The following NOS1 variants were observed in gnomAD, a reference collection of about 807,000 sequenced individuals.
NOS1 encodes nitric oxide synthase 1.
Under a neutral mutation model 164.5 loss-of-function variants are expected in NOS1, and 51 were observed. That is an observed-to-expected ratio of 0.31 (90% confidence interval 0.25 to 0.39). The LOEUF is 0.39. NOS1 is among the 10% of genes least tolerant of loss of function. The pLI, the probability that NOS1 is intolerant of heterozygous loss-of-function variation, is 1.00. For missense variants in NOS1, 1,362 were observed against 1,885.6 expected (o/e 0.72, Z 5.14); for synonymous variants, 719 against 745.8 (o/e 0.96, Z 0.59).
chr12:117,281,106 T>G (rs1352293299), intron 7 of NOS1, among the ~76,000 whole-genome samples: 1 of 152,178 alleles, frequency 6.6e-6, no homozygotes, highest in African/African-American at 2.4e-5. Context: ...GCCACCATGC[T>G]GAAGGAAAGA....
At chr12:117,299,720 C>T (rs1873688021) in intron 3 of NOS1, among the ~76,000 whole-genome samples, 1 of 149,392 alleles carries the variant, frequency 6.7e-6, no homozygotes. Context: ...ATTCAACAGT[C>T]TGTAGAAGGT....
chr12:117,244,718 A>G (rs73206097), intron 18 of NOS1, among the ~76,000 whole-genome samples: 14,808 of 152,306 alleles, frequency 0.097, 1,153 homozygotes, highest in Admixed American at 0.28. Context: ...TTATTTGGCT[A>G]TAAAAAAGGA....
At chr12:117,312,719 G>A (rs1286336599) in intron 2 of NOS1, among the ~76,000 whole-genome samples, 1 of 152,144 alleles carries the variant, frequency 6.6e-6, no homozygotes. Flanking sequence ...CACTGAACCT[G>A]TCCAGGAATG....
At chr12:117,334,043 C>T (rs1185846233) in intron 1 of NOS1, among the ~76,000 whole-genome samples, 1 of 152,254 alleles carries the variant, frequency 6.6e-6, no homozygotes, top group Admixed American at 6.5e-5. Context: ...TTCCTCCAGA[C>T]TCTGGCTTGG....
At chr12:117,305,886 G>C (rs974172979) in intron 3 of NOS1, among the ~76,000 whole-genome samples, 1 of 151,292 alleles carries the variant, frequency 6.6e-6, no homozygotes, top group African/African-American at 2.4e-5. Flanking sequence ...CCAACTCCCA[G>C]GCTCAAGCAA....
At chr12:117,361,079 G>T (rs1280568570) in intron 1 of NOS1, among the ~76,000 whole-genome samples, 1 of 152,120 alleles carries the variant, frequency 6.6e-6, no homozygotes, top group Non-Finnish European at 1.5e-5. Flanking sequence ...GGAGCGGGGA[G>T]CCCTGGGGAC....
chr12:117,216,428 G>C (rs816360), intron 28 of NOS1, among the ~76,000 whole-genome samples: 84,055 of 151,474 alleles, frequency 0.55, 26,269 homozygotes, highest in African/African-American at 0.86. Context: ...ATGATCCACC[G>C]GCCTCAGCCT....
At position 117,211,577 on chromosome 12, in the gene NOS1, C is replaced by A; in HGVS notation, c.*3732G>T. On this transcript the variant is annotated 3_prime_UTR_variant, in exon 29 of 29. Transcript: ENST00000317775. ...CTCTCCCCACGGTCTGGTCCCAGCC[C>A]ACCTTTTCTCACCCTCCTCAGCCTT... 1.0e-6 allele frequency: 1 copy of A among 985,588 alleles called. No individual in the cohort carries two copies. Among genetic ancestry groups the A allele is most frequent in the Non-Finnish European group, 1.2e-6 (1 of 830,046 alleles). 61.1% of individuals were successfully genotyped at this position (985,588 alleles called of 1,614,324 possible). A position where few individuals can be genotyped will look rare whatever the true frequency, so the allele number is the denominator to read the frequency against.
intron 20 of NOS1, among the ~76,000 whole-genome samples, chr12:117,239,398 C>T (rs948701991): frequency 6.6e-6 from 1 of 152,224 alleles, no homozygotes; most frequent in Admixed American, 6.5e-5. Context: ...AACTTAGTGT[C>T]TACACCCCAC....
Position 117,209,636 on chromosome 12 carries a change from G to T in NOS1, c.*5673C>A, listed in dbSNP as rs1956497765. The T allele has an allele frequency of 1.0e-6, 1 of 985,332 alleles. No individual in the cohort carries two copies. Among genetic ancestry groups the T allele is most frequent in the African/African-American group, 1.7e-5 (1 of 57,240 alleles). The allele number at this position is 985,332 out of a possible 1,614,324, so 61.0% of individuals were successfully genotyped here. ...AAACAAACTCATATAAACATACTAA[G>T]GCATATTGACAGCTGACCACCTCCC... is the stretch of plus-strand genomic sequence containing the variant. On this transcript the variant is annotated 3_prime_UTR_variant, in exon 29 of 29. Coordinates refer to ENST00000317775, the MANE Select transcript of NOS1 (RefSeq NM_000620.5).
In NOS1 at chr12:117,331,062, T is replaced by C. The variant is rs774252894; in HGVS notation, c.8A>G (p.Asp3Gly). Residue 3 changes from aspartate (D) to glycine (G), a missense_variant, in exon 2 of 29, where the codon GAT becomes GGT. Physicochemically the swap from Asp to Gly is moderately conservative, Grantham distance 94. This residue lies in a region of NOS1 where 362 missense variants were observed against 402.0 expected (regional missense o/e 0.90). Coordinates refer to ENST00000317775, the MANE Select transcript of NOS1 (RefSeq NM_000620.5). Reference protein sequence around the residue: MEDHMFGVQQIQP... With the variant: MEGHMFGVQQIQP... ...GATTTGCTGAACACCGAACATGTGA[T>C]CCTCCATGGTAACTAGCTTCCGAGG... is the stretch of plus-strand genomic sequence containing the variant. 1 of 1,609,212 alleles carries C rather than the reference T, an allele frequency of 6.2e-7. No homozygotes were observed. The highest frequency in any genetic ancestry group is 8.5e-7 in the Non-Finnish European group (1 of 1,176,616).
Position 117,212,517 on chromosome 12 carries a change from T to C in NOS1, c.*2792A>G. ...ACACAAGCTGTGGGAACTGGATGCATAGTGATGGCAGGTGAGCATGATGTT... is the reference window on the plus strand; with the variant it reads ...ACACAAGCTGTGGGAACTGGATGCACAGTGATGGCAGGTGAGCATGATGTT... On this transcript the variant is annotated 3_prime_UTR_variant, in exon 29 of 29. Transcript: ENST00000317775. The C allele has an allele frequency of 4.1e-6, 4 of 985,406 alleles. No homozygotes were observed. The highest frequency in any genetic ancestry group is 3.6e-6 in the Non-Finnish European group (3 of 829,920). 61.0% of individuals were successfully genotyped at this position (985,406 alleles called of 1,614,324 possible). A position where few individuals can be genotyped will look rare whatever the true frequency, so the allele number is the denominator to read the frequency against.
chr12:117,288,797 C>A (rs564667657), intron 4 of NOS1, among the ~76,000 whole-genome samples: 1 of 152,250 alleles, frequency 6.6e-6, no homozygotes, highest in East Asian at 1.9e-4. Context: ...CTCTTAGAAC[C>A]CTGCAACTAC....
chr12:117,225,132 G>C lies in NOS1; in HGVS notation c.3710C>G (p.Pro1237Arg). Residue 1237 changes from proline (P) to arginine (R), a missense_variant, in exon 25 of 29, where the codon CCC (proline) becomes CGC (arginine). Physicochemically the swap from Pro to Arg is moderately radical, Grantham distance 103. Transcript: ENST00000317775. ...ELVPCFVRGAPSFHLPRNPQV... is the reference protein window; with the variant it reads ...ELVPCFVRGARSFHLPRNPQV... ...GGGGTTCCGGGGCAGGTGGAAGCTG[G>C]GTGCTCTGGGCAAGGAAGAGGGGGT... The C allele has an allele frequency of 6.2e-7, 1 of 1,612,120 alleles. No individual in the cohort carries two copies. The highest frequency in any genetic ancestry group is 8.5e-7 in the Non-Finnish European group (1 of 1,178,988).
chr12:117,214,815 GGACA>G lies in NOS1; in HGVS notation c.*490_*493del. The G allele has an allele frequency of 1.0e-6, 1 of 982,708 alleles. No homozygotes were observed. The highest frequency in any genetic ancestry group is 1.2e-6 in the Non-Finnish European group (1 of 829,928). 60.9% of individuals were successfully genotyped at this position (982,708 alleles called of 1,614,324 possible). On this transcript the variant is annotated 3_prime_UTR_variant, in exon 29 of 29. Transcript: ENST00000317775. ...GACACACTTGTGCAGGGAAGAGGAC[GGACA>G]GAGACCTGGCCCATCACACACACAC...
Position 117,243,493 on chromosome 12 carries a change from A to G in NOS1, c.2824-58T>C, listed in dbSNP as rs564810550. 6.3e-7 allele frequency: 1 copy of G among 1,594,706 alleles called. No individual in the cohort carries two copies. Among genetic ancestry groups the G allele is most frequent in the Admixed American group, 1.7e-5 (1 of 58,932 alleles). On this transcript the variant is annotated intron_variant, in intron 18 of 28. Coordinates refer to ENST00000317775, the MANE Select transcript of NOS1 (RefSeq NM_000620.5). The surrounding 1 kb of genome is among the most constrained non-coding windows in gnomAD (Gnocchi z 4.3). Reference sequence around the variant, plus strand: ...TTCAGCCAAGCGGATCTCCTCTCCAACAGCTCCAAGTCATGGCATGTATCT... The same window carrying G: ...TTCAGCCAAGCGGATCTCCTCTCCAGCAGCTCCAAGTCATGGCATGTATCT...
At chr12:117,316,374 T>C (rs1874669233) in intron 2 of NOS1, among the ~76,000 whole-genome samples, 1 of 152,052 alleles carries the variant, frequency 6.6e-6, no homozygotes, top group Admixed American at 6.6e-5. Context: ...TTGGCCCTGA[T>C]CTCTTGACTC....
chr12:117,345,031 C>CTT (rs57878360), intron 1 of NOS1, among the ~76,000 whole-genome samples: 1 of 124,558 alleles, frequency 8.0e-6, no homozygotes, highest in Non-Finnish European at 1.7e-5. Flanking sequence ...TGCTTTCTTG[C>CTT]TTTTTTTTTT....
Position 117,260,318 on chromosome 12 carries a change from ATGCAAATGTGT to A in NOS1, c.2367+136_2367+146del. The A allele has an allele frequency of 5.0e-6, 4 of 792,818 alleles. No individual in the cohort carries two copies. The East Asian group carries it at 1.1e-4, about 22-fold the overall frequency. 49.1% of individuals were successfully genotyped at this position (792,818 alleles called of 1,614,324 possible). A position where few individuals can be genotyped will look rare whatever the true frequency, so the allele number is the denominator to read the frequency against. ...GGGATATCACAGTCCCCTGAAATTT[ATGCAAATGTGT>A]ATGTGAGCTGATAGGCCCTGTCAGG... On this transcript the variant is annotated intron_variant, in intron 14 of 28. Coordinates refer to ENST00000317775, the MANE Select transcript of NOS1 (RefSeq NM_000620.5).
Sources: allele counts gnomAD v4.1 joint callset (sites outside exome capture counted in the v4.1 genomes callset), GRCh38; gene constraint gnomAD v4.1.1; regional missense constraint gnomAD v4.1.1; non-coding constraint Gnocchi (gnomAD v3.1); transcripts MANE v1.5; gene names NCBI Gene and HGNC (gene_info 2026-07-23, HGNC 2026-07-21).